Variants in GPAM observed in about 807,000 individuals in gnomAD.
The protein encoded by GPAM is glycerol-3-phosphate acyltransferase, mitochondrial.
In GPAM, 56 loss-of-function variants were observed where a neutral mutation model predicts 105.0. The ratio of observed to expected loss-of-function variants is 0.53; its 90% CI spans 0.43 to 0.67. The LOEUF (loss-of-function observed/expected upper bound fraction) is 0.67. Among genes scored for constraint, GPAM ranks in the 30% least tolerant of loss-of-function variants. The pLI is 0.00. For synonymous variants in GPAM, 368 were observed against 354.4 expected (o/e 1.04, Z -0.43); for missense variants, 855 against 989.8 (o/e 0.86, Z 1.83).
intron 1 of GPAM, among the ~76,000 whole-genome samples, chr10:112,206,514 T>C (rs1025114034): frequency 1.7e-5 from 2 of 118,772 alleles, no homozygotes; most frequent in African/African-American, 7.4e-5. Context: ...TTCATGTCCT[T>C]TGTAGGGACA....
chr10:112,169,945 T>C (rs932828923), intron 9 of GPAM, among the ~76,000 whole-genome samples: 7 of 152,192 alleles, frequency 4.6e-5, no homozygotes, highest in Non-Finnish European at 8.8e-5. Flanking sequence ...GCATTCCTTA[T>C]GAGAATCTAA....
chr10:112,190,051 G>T (rs1330019417), intron 1 of GPAM, among the ~76,000 whole-genome samples: 2 of 152,126 alleles, frequency 1.3e-5, no homozygotes, highest in Non-Finnish European at 2.9e-5. Context: ...CCTGTTTTTA[G>T]AAATTCAAGA....
At chr10:112,159,315 G>A (rs1847080211) in intron 17 of GPAM, among the ~76,000 whole-genome samples, 1 of 146,474 alleles carries the variant, frequency 6.8e-6, no homozygotes, top group African/African-American at 2.5e-5. Flanking sequence ...CCGCCTCCCA[G>A]GTTCAAGTGA....
chr10:112,182,923 G>A (rs1362461764), intron 1 of GPAM, 32 bp from the exon 2 acceptor site: 1 of 152,230 alleles, frequency 6.6e-6, no homozygotes, highest in Non-Finnish European at 1.5e-5. Flanking sequence ...AGGATGAGGA[G>A]AGGACAAAGA....
the GPAM span, among the ~76,000 whole-genome samples, chr10:112,226,473 C>A: frequency 6.6e-6 from 1 of 152,078 alleles, no homozygotes; most frequent in African/African-American, 2.4e-5. Context: ...TGTAAAGAAG[C>A]CCAGTTGCAC....
At chr10:112,183,154 A>G (rs966974457) in intron 1 of GPAM, among the ~76,000 whole-genome samples, 1 of 152,248 alleles carries the variant, frequency 6.6e-6, no homozygotes, top group Non-Finnish European at 1.5e-5. Flanking sequence ...TTTTATTACC[A>G]TAAGTTGGTT....
upstream of GPAM, among the ~76,000 whole-genome samples, chr10:112,218,946 G>A (rs568809571): frequency 4.6e-5 from 7 of 152,308 alleles, no homozygotes; most frequent in East Asian, 9.7e-4. Context: ...GTTAGCCCGC[G>A]TCTTTACTGC....
In GPAM at chr10:112,151,084, C is replaced by T. The variant is rs1489536124; in HGVS notation, c.*2466G>A. Reference sequence around the variant, plus strand: ...CTTAGGACATTCTCATTTTCAAAAACAGACTGCAGTTTCATGTTGTTTAAT... The same window carrying T: ...CTTAGGACATTCTCATTTTCAAAAATAGACTGCAGTTTCATGTTGTTTAAT... On this transcript the variant is annotated 3_prime_UTR_variant, in exon 22 of 22. Coordinates refer to ENST00000348367, the MANE Select transcript of GPAM (RefSeq NM_001244949.2). The T allele has an allele frequency of 1.0e-5, 10 of 982,160 alleles. No homozygotes were observed. Among genetic ancestry groups the T allele is most frequent in the South Asian group, 4.7e-5 (1 of 21,192 alleles). The allele number at this position is 982,160 out of a possible 1,614,324, so 60.8% of individuals were successfully genotyped here.
At chr10:112,171,642 G>T (rs1031503241) in intron 9 of GPAM, among the ~76,000 whole-genome samples, 2 of 152,004 alleles carry the variant, frequency 1.3e-5, no homozygotes, top group African/African-American at 4.8e-5. Context: ...GTATCTCTCC[G>T]CATTTGCACA....
chr10:112,197,442 C>CTTT (rs1298170824), intron 1 of GPAM, among the ~76,000 whole-genome samples: 7 of 119,316 alleles, frequency 5.9e-5, no homozygotes, highest in Non-Finnish European at 8.5e-5. Context: ...GTAAGGCATT[C>CTTT]TTTTTTTTTT....
At chr10:112,185,571 G>GACACAC (rs55812271), upstream of GPAM, among the ~76,000 whole-genome samples, 42 of 143,692 alleles carry the variant, frequency 2.9e-4, no homozygotes, top group African/African-American at 9.4e-4. Context: ...CACACACACA[G>GACACAC]ACACACACAC....
chr10:112,225,379 G>C, the GPAM span, among the ~76,000 whole-genome samples: 1 of 152,198 alleles, frequency 6.6e-6, no homozygotes, highest in Non-Finnish European at 1.5e-5. Flanking sequence ...AGGGACTGGG[G>C]TTCAAAACTT....
chr10:112,188,414 T>C (rs189039572), upstream of GPAM, among the ~76,000 whole-genome samples: 17 of 152,264 alleles, frequency 1.1e-4, no homozygotes, highest in Admixed American at 3.9e-4. Context: ...TGCCTTTTGT[T>C]TTCAGGGTGG....
rs1564674369 is a variant in GPAM, at chr10:112,159,965, C to T, written c.1848G>A (p.Val616=). ...PPNLISQEQL[V]RKAASLCYLL... is the part of the protein sequence containing the mutation. ...GGTAGCACAGGCTGGCCGCCTTCCG[C>T]ACCAGCTGCTCCTGGCTGATCAGGT... is the stretch of plus-strand genomic sequence containing the variant. The change falls in exon 17 of 22, where the codon GTG becomes GTA. Residue 616 remains valine (V), a synonymous_variant. Coordinates refer to ENST00000348367, the MANE Select transcript of GPAM (RefSeq NM_001244949.2). The T allele has an allele frequency of 1.2e-6, 2 of 1,614,030 alleles. No individual in the cohort carries two copies. The highest frequency in any genetic ancestry group is 2.2e-5 in the South Asian group (2 of 91,076).
At chr10:112,199,089 A>ATG (rs34627276) in intron 1 of GPAM, among the ~76,000 whole-genome samples, 58,833 of 134,602 alleles carry the variant, frequency 0.44, 13,012 homozygotes, top group Admixed American at 0.53. Context: ...CGCCTGGCTA[A>ATG]TGTGTGTGTG....
Position 112,181,760 on chromosome 10 carries a change from C to T in GPAM, c.25G>A (p.Gly9Ser). The change falls in exon 3 of 22, where the codon GGT becomes AGT. Residue 9 changes from glycine to serine, a missense_variant. Transcript: ENST00000348367. ...GGCAGATAAGAAACATCTATTGTAC[C>T]AAGGGTCAGTGCAGATTCATCCATG... MDESALTL[G>S]TIDVSYLPHS... The T allele has an allele frequency of 6.2e-7, 1 of 1,606,068 alleles. No homozygotes were observed.
upstream of GPAM, among the ~76,000 whole-genome samples, chr10:112,218,960 C>T (rs146341128): frequency 1.5e-3 from 224 of 152,328 alleles, 1 homozygote; most frequent in African/African-American, 4.8e-3. Flanking sequence ...TTACTGCATC[C>T]TGTTGTATCA....
rs530928255 is a variant in GPAM at position 112,153,242 on chromosome 10, T to C, written c.*308A>G. On this transcript the variant is annotated 3_prime_UTR_variant, in exon 22 of 22. Coordinates refer to ENST00000348367, the MANE Select transcript of GPAM (RefSeq NM_001244949.2). Reference sequence around the variant, plus strand: ...ATCACAGTAATTAGTCCTTAAAAGTTGTACTTAAAATGTCAATCTTTAATA... The same window carrying C: ...ATCACAGTAATTAGTCCTTAAAAGTCGTACTTAAAATGTCAATCTTTAATA... The C allele has an allele frequency of 3.3e-6, 4 of 1,194,508 alleles. No individual in the cohort carries two copies. The highest frequency in any genetic ancestry group is 5.0e-5 in the East Asian group (1 of 19,906). The allele number at this position is 1,194,508 out of a possible 1,614,324, so 74.0% of individuals were successfully genotyped here.
At chr10:112,218,522 G>C (rs1847992485), upstream of GPAM, among the ~76,000 whole-genome samples, 3 of 152,306 alleles carry the variant, frequency 2.0e-5, no homozygotes, top group South Asian at 6.2e-4. Flanking sequence ...AAGGGGTCCT[G>C]ATTCAGACAC....
Sources: allele counts gnomAD v4.1 joint callset (sites outside exome capture counted in the v4.1 genomes callset), GRCh38; gene constraint gnomAD v4.1.1; transcripts MANE v1.5; gene names NCBI Gene and HGNC (gene_info 2026-07-23, HGNC 2026-07-21).